The following GTF3C1 variants were observed in gnomAD, a reference collection of about 807,000 sequenced individuals.
The protein encoded by GTF3C1 is general transcription factor 3C polypeptide 1.
Under a neutral mutation model 226.7 loss-of-function variants are expected in GTF3C1, and 57 were observed. That is an observed-to-expected ratio of 0.25 (90% CI 0.20 to 0.31). The LOEUF is 0.31. GTF3C1 is among the 10% of genes least tolerant of loss of function. The pLI is 1.00. For synonymous variants in GTF3C1, 1,090 were observed against 1,084.8 expected (o/e 1.00, Z -0.09); for missense variants, 2,217 against 2,776.1 (o/e 0.80, Z 4.53).
intron 2 of GTF3C1, among the ~76,000 whole-genome samples, chr16:27,541,664 T>A (rs2089085684): frequency 6.6e-6 from 1 of 152,078 alleles, no homozygotes; most frequent in African/African-American, 2.4e-5. Context: ...GACGTGAAGA[T>A]TTGTGGACAG....
intron 10 of GTF3C1, 43 bp from the exon 11 acceptor site, chr16:27,503,038 A>G: frequency 6.4e-7 from 1 of 1,556,446 alleles, no homozygotes; most frequent in South Asian, 1.1e-5. Context: ...GGGCTCGGCA[A>G]GGCTTGGGGG....
chr16:27,460,653 C>G lies in GTF3C1; in HGVS notation c.*697G>C, dbSNP rs2141332970. On this transcript the variant is annotated 3_prime_UTR_variant, in exon 37 of 37. Coordinates refer to ENST00000356183, the MANE Select transcript of GTF3C1 (RefSeq NM_001520.4). ...TTTAATCAAAAAATAAATAAGTACA[C>G]TCCACAGGGACTTTTTTTTTTTAAT... The G allele has an allele frequency of 6.6e-6, 1 of 152,112 alleles. No individual in the cohort carries two copies. The highest frequency in any genetic ancestry group is 1.9e-4 in the East Asian group (1 of 5,184). The allele number at this position is 152,112 out of a possible 1,614,324, so 9.4% of individuals were successfully genotyped here. A position where few individuals can be genotyped will look rare whatever the true frequency, so the allele number is the denominator to read the frequency against.
intron 2 of GTF3C1, among the ~76,000 whole-genome samples, chr16:27,541,132 C>T (rs2089075515): frequency 6.6e-6 from 1 of 152,188 alleles, no homozygotes; most frequent in Non-Finnish European, 1.5e-5. Context: ...TGAGCCACTG[C>T]ACCAGGCAAA....
intron 7 of GTF3C1, 74 bp from the exon 8 acceptor site, chr16:27,508,729 T>A (rs2088525240): frequency 9.7e-7 from 1 of 1,028,146 alleles, no homozygotes; most frequent in Admixed American, 2.0e-5. Flanking sequence ...TCCAGCCCAC[T>A]TTTTCAGCAG....
At chr16:27,503,405 A>G (rs1272019048) in intron 10 of GTF3C1, among the ~76,000 whole-genome samples, 1 of 152,178 alleles carries the variant, frequency 6.6e-6, no homozygotes, top group Non-Finnish European at 1.5e-5. Flanking sequence ...CACTTTTATC[A>G]TCATAGTTCC....
chr16:27,503,675 T>C (rs1350631714), intron 10 of GTF3C1, among the ~76,000 whole-genome samples: 1 of 152,248 alleles, frequency 6.6e-6, no homozygotes, highest in Admixed American at 6.5e-5. Context: ...TCTCTCTTAA[T>C]GAGCTTAAAA....
At chr16:27,543,242 T>C (rs2089114495) in intron 2 of GTF3C1, among the ~76,000 whole-genome samples, 1 of 151,944 alleles carries the variant, frequency 6.6e-6, no homozygotes, top group Admixed American at 6.6e-5. Flanking sequence ...AAAAATAAGC[T>C]GGGCGTGGTG....
chr16:27,544,991 T>C (rs1393347642), intron 2 of GTF3C1, among the ~76,000 whole-genome samples: 1 of 92,502 alleles, frequency 1.1e-5, no homozygotes, highest in South Asian at 3.4e-4. Flanking sequence ...TTTTTTTTTG[T>C]AGACAGGGTC....
rs11406778 is a variant in GTF3C1, at chr16:27,546,486, GAA to G, written c.222-965_222-964del. Reference sequence around the variant, plus strand: ...AAGCTTGTCAAGTTTTTTTTTTTTTGAAAAAAAAAAAAAATACATACATATAT... The same window carrying G: ...AAGCTTGTCAAGTTTTTTTTTTTTTGAAAAAAAAAAAATACATACATATAT... On this transcript the variant is annotated intron_variant, in intron 1 of 36. Coordinates refer to ENST00000356183, the MANE Select transcript of GTF3C1 (RefSeq NM_001520.4). Among the ~76,000 whole-genome samples, 893 of 111,880 alleles carry G rather than the reference GAA, an allele frequency of 8.0e-3. 16 individuals carry two copies. Among genetic ancestry groups the G allele is most frequent in the African/African-American group, 0.028 (823 of 29,504 alleles). The allele number at this position is 111,880 out of a possible 152,430, so 73.4% of individuals were successfully genotyped here.
intron 12 of GTF3C1, among the ~76,000 whole-genome samples, chr16:27,500,090 G>T (rs58075578): frequency 0.018 from 2,732 of 152,284 alleles, 57 homozygotes; most frequent in East Asian, 0.1. Flanking sequence ...CACAGCAGAT[G>T]CCTATACCTT....
chr16:27,547,781 C>G (rs192662542), intron 1 of GTF3C1, among the ~76,000 whole-genome samples: 6 of 152,042 alleles, frequency 3.9e-5, no homozygotes, highest in Admixed American at 3.3e-4. Flanking sequence ...TCTACCACCA[C>G]GCCCAGCTAA....
At position 27,461,534 on chromosome 16, in the gene GTF3C1, T is replaced by C; in HGVS notation, c.6146A>G (p.Lys2049Arg). The C allele has an allele frequency of 6.2e-7, 1 of 1,613,830 alleles. No individual in the cohort carries two copies. Among genetic ancestry groups the C allele is most frequent in the Non-Finnish European group, 8.5e-7 (1 of 1,179,952 alleles). The change falls in exon 37 of 37, where the codon AAG (lysine) becomes AGG (arginine). Residue 2049 changes from lysine to arginine, a missense_variant. By Grantham distance (26) the Lys-to-Arg change is conservative. Transcript: ENST00000356183. This position sits in a 1 kb window ranked among gnomAD's most constrained non-coding sequence, Gnocchi z 5.3. Reference sequence around the variant, plus strand: ...AGGCCTTGGCTTTCTCAGCCAGCGCTTCCGGATGCAGCCGAGGGACTCCAG... The same window carrying C: ...AGGCCTTGGCTTTCTCAGCCAGCGCCTCCGGATGCAGCCGAGGGACTCCAG... ...QGLESLGCIR[K>R]RWLRKPRPVS... is the part of the protein sequence containing the mutation.
At chr16:27,516,977 C>T (rs1330768786) in intron 6 of GTF3C1, among the ~76,000 whole-genome samples, 1 of 152,102 alleles carries the variant, frequency 6.6e-6, no homozygotes, top group Non-Finnish European at 1.5e-5. Context: ...GAGAGGCAGC[C>T]CAGCACTGTG....
intron 12 of GTF3C1, 38 bp downstream of exon 12, chr16:27,501,153 C>G (rs199844524): frequency 1.3e-6 from 2 of 1,575,356 alleles, no homozygotes; most frequent in South Asian, 1.1e-5. Context: ...TCCAACAGCA[C>G]GAGGCTGGCT....
intron 7 of GTF3C1, among the ~76,000 whole-genome samples, chr16:27,509,296 G>A (rs999030175): frequency 2.0e-5 from 3 of 152,194 alleles, no homozygotes; most frequent in Non-Finnish European, 4.4e-5. Context: ...TCAGGATTGT[G>A]AGTATATCTG....
At chr16:27,479,861 A>G (rs1405172214) in intron 27 of GTF3C1, among the ~76,000 whole-genome samples, 1 of 152,108 alleles carries the variant, frequency 6.6e-6, no homozygotes, top group Non-Finnish European at 1.5e-5. Flanking sequence ...TCTTCTCTCT[A>G]AATGGTTCAT....
chr16:27,532,641 T>G (rs1039376801), intron 5 of GTF3C1, among the ~76,000 whole-genome samples: 1 of 151,672 alleles, frequency 6.6e-6, no homozygotes, highest in African/African-American at 2.4e-5. Flanking sequence ...TCCTCTCCCC[T>G]CCCCCTCAGG....
chr16:27,537,988 C>T, intron 3 of GTF3C1, 61 bp from the exon 4 acceptor site: 1 of 1,555,240 alleles, frequency 6.4e-7, no homozygotes. Context: ...TGTATAGAGT[C>T]TCTCACTTGG....
rs139549865 is a variant in GTF3C1 at position 27,536,133 on chromosome 16, A to T, written c.752+1651T>A. ...ATCAATAAATACAGTACAGTGTTGT[A>T]AACGTATTTTCTTAATAACATTTTC... is the stretch of plus-strand genomic sequence containing the variant. On this transcript the variant is annotated intron_variant, in intron 4 of 36. Coordinates refer to ENST00000356183, the MANE Select transcript of GTF3C1 (RefSeq NM_001520.4). Among the ~76,000 whole-genome samples, 53 of 152,370 alleles carry T rather than the reference A, an allele frequency of 3.5e-4. 1 individual carries two copies. Among genetic ancestry groups the T allele is most frequent in the African/African-American group, 1.1e-3 (47 of 41,590 alleles).
Sources: allele counts gnomAD v4.1 joint callset (sites outside exome capture counted in the v4.1 genomes callset), GRCh38; gene constraint gnomAD v4.1.1; non-coding constraint Gnocchi (gnomAD v3.1); transcripts MANE v1.5; gene names NCBI Gene and HGNC (gene_info 2026-07-23, HGNC 2026-07-21).